TRAM2: variants seen among roughly 807,000 people sequenced by gnomAD.
The protein encoded by TRAM2 is translocation associated membrane protein 2, also known as translocating chain-associated membrane protein 2.
A neutral mutation model predicts 51.0 loss-of-function variants in TRAM2; 12 were observed. The observed-to-expected ratio is 0.24, with a 90% CI of 0.15 to 0.38. TRAM2 has a LOEUF of 0.38. TRAM2 is among the 10% of genes least tolerant of loss of function. The pLI is 1.00. For synonymous variants in TRAM2, 175 were observed against 179.4 expected, an observed-to-expected ratio of 0.98 and a Z score of 0.20; for missense variants, 361 against 462.0, an observed-to-expected ratio of 0.78 and a Z score of 2.00.
intron 1 of TRAM2, among the ~76,000 whole-genome samples, chr6:52,569,808 A>G (rs1367294007): frequency 6.6e-6 from 1 of 152,152 alleles, no homozygotes; most frequent in Non-Finnish European, 1.5e-5. Context: ...CAGAACAGGC[A>G]CTTAAGCACT....
Position 52,497,680 on chromosome 6 carries a change from C to CTT in TRAM2, c.*5515_*5516dup, listed in dbSNP as rs946851969. 7 of 152,434 alleles carry CTT rather than the reference C, an allele frequency of 4.6e-5. No homozygotes were observed. In the East Asian group the frequency reaches 9.7e-4, roughly 21 times the overall value. The allele number at this position is 152,434 out of a possible 1,614,324, so 9.4% of individuals were successfully genotyped here. On this transcript the variant is annotated 3_prime_UTR_variant, in exon 11 of 11. Transcript: ENST00000182527. ...AACAGGCTAGAGTAGAAAACAGACA[C>CTT]TTTGTCCACATTTGCATTATCAGTT...
At chr6:52,512,557 C>T (rs1048622952) in intron 4 of TRAM2, among the ~76,000 whole-genome samples, 1 of 152,180 alleles carries the variant, frequency 6.6e-6, no homozygotes, top group African/African-American at 2.4e-5. Flanking sequence ...GAGTGTGACC[C>T]AGCAAGCACC....
chr6:52,572,334 T>C (rs1219349778), intron 1 of TRAM2, among the ~76,000 whole-genome samples: 1 of 152,256 alleles, frequency 6.6e-6, no homozygotes, highest in Non-Finnish European at 1.5e-5. Flanking sequence ...CCAGGCGCAG[T>C]GGCTCAGGCC....
intron 2 of TRAM2, among the ~76,000 whole-genome samples, chr6:52,520,232 T>C (rs980875720): frequency 3.3e-5 from 5 of 152,132 alleles, no homozygotes; most frequent in Admixed American, 1.3e-4. Flanking sequence ...GAGCAGAAGG[T>C]TGGGGACCTG....
intron 1 of TRAM2, among the ~76,000 whole-genome samples, chr6:52,574,070 C>A (rs780414384): frequency 3.3e-5 from 5 of 152,114 alleles, no homozygotes; most frequent in Non-Finnish European, 5.9e-5. Flanking sequence ...CTCTTCCTGC[C>A]GTCACTTCTA....
chr6:52,526,718 T>C (rs1409238227), intron 2 of TRAM2, among the ~76,000 whole-genome samples: 1 of 152,146 alleles, frequency 6.6e-6, no homozygotes, highest in Non-Finnish European at 1.5e-5. Flanking sequence ...ACCATTCCTT[T>C]TTATAAAGCT....
chr6:52,565,403 A>T (rs1767573193), intron 1 of TRAM2, among the ~76,000 whole-genome samples: 1 of 152,164 alleles, frequency 6.6e-6, no homozygotes, highest in Non-Finnish European at 1.5e-5. Context: ...AGGGGAGGGC[A>T]AGTGACGGCT....
chr6:52,516,583 G>C, intron 3 of TRAM2, 45 bp downstream of exon 3: 1 of 1,535,008 alleles, frequency 6.5e-7, no homozygotes, highest in African/African-American at 1.4e-5. Flanking sequence ...CCACCCCAAG[G>C]CACCTCCCCA....
chr6:52,571,670 G>C (rs866624901), intron 1 of TRAM2, among the ~76,000 whole-genome samples: 2 of 152,196 alleles, frequency 1.3e-5, no homozygotes, highest in African/African-American at 2.4e-5. Flanking sequence ...GGCTCCCTGG[G>C]GAAAAGAAGT....
chr6:52,550,539 CTATTTTTATTTTT>C (rs1179061312), intron 1 of TRAM2, among the ~76,000 whole-genome samples: 10 of 152,152 alleles, frequency 6.6e-5, no homozygotes, highest in African/African-American at 2.2e-4. Context: ...CAATGGGACA[CTATTTTTATTTTT>C]TATTTTTATT....
In TRAM2 at chr6:52,498,372, A is replaced by T. The variant is rs906528864; in HGVS notation, c.*4825T>A. The T allele has an allele frequency of 8.5e-5, 13 of 152,598 alleles. No homozygotes were observed. Among genetic ancestry groups the T allele is most frequent in the African/African-American group, 3.1e-4 (13 of 41,456 alleles). 9.5% of individuals were successfully genotyped at this position (152,598 alleles called of 1,614,324 possible). A position where few individuals can be genotyped will look rare whatever the true frequency, so the allele number is the denominator to read the frequency against. On this transcript the variant is annotated 3_prime_UTR_variant, in exon 11 of 11. Coordinates refer to ENST00000182527, the MANE Select transcript of TRAM2 (RefSeq NM_012288.4). Reference sequence around the variant, plus strand: ...GCTCGAACAGTTCTGCAACAGTCAGACATGTATGTGTTTATGTGTTAGCAC... The same window carrying T: ...GCTCGAACAGTTCTGCAACAGTCAGTCATGTATGTGTTTATGTGTTAGCAC...
chr6:52,542,281 A>ATTTTTTT (rs1562484325), intron 1 of TRAM2, among the ~76,000 whole-genome samples: 10 of 130,044 alleles, frequency 7.7e-5, no homozygotes, highest in African/African-American at 3.9e-4. Flanking sequence ...TTTTTTAAAA[A>ATTTTTTT]AAATAGTCTT....
chr6:52,543,211 C>A (rs530329926), intron 1 of TRAM2, among the ~76,000 whole-genome samples: 21 of 152,302 alleles, frequency 1.4e-4, no homozygotes, highest in African/African-American at 4.8e-4. Context: ...CTAATACTTA[C>A]CACTTGATTA....
At chr6:52,534,721 C>T (rs925870330) in intron 2 of TRAM2, among the ~76,000 whole-genome samples, 1 of 152,196 alleles carries the variant, frequency 6.6e-6, no homozygotes, top group African/African-American at 2.4e-5. Context: ...GAAAAGGAAG[C>T]TCTTAGGCTC....
intron 1 of TRAM2, among the ~76,000 whole-genome samples, chr6:52,547,439 C>G (rs555345527): frequency 5.6e-4 from 86 of 152,298 alleles, no homozygotes; most frequent in Non-Finnish European, 8.8e-4. Flanking sequence ...TGTCTTGATA[C>G]ACACACCAGC....
At chr6:52,556,864 G>A (rs1767415402) in intron 1 of TRAM2, among the ~76,000 whole-genome samples, 1 of 150,094 alleles carries the variant, frequency 6.7e-6, no homozygotes, top group South Asian at 2.1e-4. Context: ...GGAGGCGGAG[G>A]TTGCAGTGAG....
intron 4 of TRAM2, among the ~76,000 whole-genome samples, chr6:52,511,592 G>A (rs1389522071): frequency 1.3e-5 from 2 of 152,102 alleles, no homozygotes; most frequent in Non-Finnish European, 2.9e-5. Flanking sequence ...AGGCCAACAG[G>A]GTTTAGTAAG....
intron 1 of TRAM2, among the ~76,000 whole-genome samples, chr6:52,565,855 C>T (rs1317718909): frequency 1.3e-5 from 2 of 152,224 alleles, no homozygotes; most frequent in African/African-American, 4.8e-5. Flanking sequence ...CCAACCTCCA[C>T]TATCTCTGGA....
At chr6:52,569,866 T>A (rs1206686190) in intron 1 of TRAM2, among the ~76,000 whole-genome samples, 1 of 152,110 alleles carries the variant, frequency 6.6e-6, no homozygotes, top group Non-Finnish European at 1.5e-5. Context: ...ATTTCAAGAC[T>A]TCTACACAAA....
Sources: gnomAD v4.1 joint callset for allele counts (sites outside exome capture counted in the v4.1 genomes callset) on GRCh38, gnomAD v4.1.1 for gene constraint, MANE v1.5 for transcripts, NCBI Gene and HGNC (gene_info 2026-07-23, HGNC 2026-07-21) for gene names.